The following VCL variants were observed in gnomAD, a reference collection of about 807,000 sequenced individuals.
VCL encodes the protein vinculin, also known as epididymis luminal protein 114.
In VCL, 47 loss-of-function variants were observed where a neutral mutation model predicts 125.7. That is an observed-to-expected ratio of 0.37 (90% CI 0.30 to 0.48). VCL has a LOEUF of 0.48. Among genes scored for constraint, VCL ranks in the 20% least tolerant of loss-of-function variants. The pLI is 0.99. For synonymous variants in VCL, 458 were observed against 514.6 expected, an observed-to-expected ratio of 0.89 and a Z score of 1.49; for missense variants, 1,069 against 1,455.5, an observed-to-expected ratio of 0.73 and a Z score of 4.32.
chr10:74,091,933 G>T (rs762524868), intron 10 of VCL, among the ~76,000 whole-genome samples: 1 of 151,608 alleles, frequency 6.6e-6, no homozygotes, highest in African/African-American at 2.4e-5. Context: ...TTTTTGAGAC[G>T]GAGTCTTGCT....
intron 8 of VCL, among the ~76,000 whole-genome samples, chr10:74,087,703 T>C (rs898638244): frequency 1.3e-5 from 2 of 150,254 alleles, no homozygotes; most frequent in Admixed American, 6.6e-5. Flanking sequence ...AGGCTGGGTG[T>C]GGTGGCTCAC....
chr10:74,092,177 G>C (rs1839900852), intron 10 of VCL, among the ~76,000 whole-genome samples: 1 of 152,124 alleles, frequency 6.6e-6, no homozygotes, highest in Non-Finnish European at 1.5e-5. Context: ...CAAGTCCTGG[G>C]ATTACAGGTG....
intron 1 of VCL, among the ~76,000 whole-genome samples, chr10:74,039,978 A>G (rs1841063064): frequency 6.6e-6 from 1 of 151,942 alleles, no homozygotes; most frequent in African/African-American, 2.4e-5. Context: ...GCCTCTTTCC[A>G]GTTCCTAAAA....
In VCL at chr10:74,009,224, C is replaced by T. The variant is rs377176717; in HGVS notation, c.168+10849C>T. Among the ~76,000 whole-genome samples, 41 of 121,858 alleles carry T rather than the reference C, an allele frequency of 3.4e-4. 5 individuals are homozygous for T. The highest frequency in any genetic ancestry group is 1.0e-3 in the South Asian group (3 of 2,904). 79.9% of individuals were successfully genotyped at this position (121,858 alleles called of 152,430 possible). ...CTAGGTGGCTGCTGCTTTCCCCCCC[C>T]CCCCCCGAGCCATTTTAGTATTTAA... On this transcript the variant is annotated intron_variant, in intron 1 of 21. Transcript: ENST00000211998.
chr10:74,049,450 A>G (rs537793482), intron 2 of VCL, among the ~76,000 whole-genome samples: 45 of 152,340 alleles, frequency 3.0e-4, no homozygotes, highest in South Asian at 1.0e-3. Context: ...AAAGAGCTAT[A>G]ATACAGACTG....
At chr10:74,029,369 T>TCCCAAAGTGCTGGGATTACAGG (rs1840832057) in intron 1 of VCL, among the ~76,000 whole-genome samples, 1 of 152,090 alleles carries the variant, frequency 6.6e-6, no homozygotes, top group Non-Finnish European at 1.5e-5. Context: ...TGCCTCAGCC[T>TCCCAAAGTGCTGGGATTACAGG]CCCAAAGTGC....
intron 2 of VCL, among the ~76,000 whole-genome samples, chr10:74,069,738 T>C (rs1841633229): frequency 6.6e-6 from 1 of 152,160 alleles, no homozygotes; most frequent in Non-Finnish European, 1.5e-5. Context: ...GATGATCTAT[T>C]AGGTTATTTT....
Position 74,082,393 on chromosome 10 carries a change from C to T in VCL, c.784-61C>T, listed in dbSNP as rs975391391. On this transcript the variant is annotated intron_variant, in intron 6 of 21. Transcript: ENST00000211998. ...ATGCTGTAACTTCTTCTCTGTCTTA[C>T]GTTCTATCATGGTATCTCAACTTTT... 11 of 1,576,040 alleles carry T rather than the reference C, an allele frequency of 7.0e-6. No homozygotes were observed. In the African/African-American group the frequency reaches 1.1e-4, roughly 15 times the overall value.
chr10:74,022,596 ATAAATAAATAAATAAG>A (rs201436982), intron 1 of VCL, among the ~76,000 whole-genome samples: 14,184 of 108,922 alleles, frequency 0.13, 1,176 homozygotes, highest in African/African-American at 0.29. Flanking sequence ...AAATAAATAA[ATAAATAAATAAATAAG>A]TAAATAAAAC....
chr10:74,108,469 CT>C (rs796858541), intron 17 of VCL, among the ~76,000 whole-genome samples: 67 of 145,488 alleles, frequency 4.6e-4, no homozygotes, highest in Middle Eastern at 3.6e-3. Flanking sequence ...AGCTGCAAGC[CT>C]TTTTTTTTTT....
At chr10:74,114,972 G>T in intron 21 of VCL, 73 bp downstream of exon 21, 1 of 1,413,478 alleles carries the variant, frequency 7.1e-7, no homozygotes, top group Non-Finnish European at 9.8e-7. Flanking sequence ...CTCTGCTTTG[G>T]GGAAATTTTA....
chr10:74,010,813 A>C (rs1333239508), intron 1 of VCL, among the ~76,000 whole-genome samples: 1 of 152,222 alleles, frequency 6.6e-6, no homozygotes. Context: ...AGAAAATATG[A>C]AATGAAATAA....
chr10:74,075,809 T>C (rs1814145543), intron 6 of VCL: 2 of 152,648 alleles, frequency 1.3e-5, no homozygotes, highest in African/African-American at 4.8e-5. Context: ...TGTAAGGTAA[T>C]GTAAAAGCTG....
intron 1 of VCL, among the ~76,000 whole-genome samples, chr10:74,042,473 A>T (rs994460506): frequency 6.6e-6 from 1 of 152,224 alleles, no homozygotes; most frequent in Non-Finnish European, 1.5e-5. Flanking sequence ...ATGTCAGTTT[A>T]TATCACCACC....
intron 2 of VCL, among the ~76,000 whole-genome samples, chr10:74,059,786 T>C (rs1841449549): frequency 6.6e-6 from 1 of 152,212 alleles, no homozygotes; most frequent in South Asian, 2.1e-4. Context: ...TTAAAAAATA[T>C]TCCCATTTCT....
In VCL at chr10:74,100,968, T is replaced by C; in HGVS notation, c.1893T>C (p.Ala631=). The change falls in exon 14 of 22, where the codon GCT becomes GCC. Residue 631 remains alanine (A), a synonymous_variant. Coordinates refer to ENST00000211998, the MANE Select transcript of VCL (RefSeq NM_014000.3). ...NREEVFDERA[A]NFENHSGKLG... ...TCAAGGTATTTGATGAGAGGGCAGCTAACTTTGAAAACCATTCAGGAAAGC... is the reference window on the plus strand; with the variant it reads ...TCAAGGTATTTGATGAGAGGGCAGCCAACTTTGAAAACCATTCAGGAAAGC... The C allele has an allele frequency of 6.2e-7, 1 of 1,614,102 alleles. No homozygotes were observed. The highest frequency in any genetic ancestry group is 8.5e-7 in the Non-Finnish European group (1 of 1,179,976).
chr10:74,111,478 A>T (rs1840217229), intron 18 of VCL, among the ~76,000 whole-genome samples: 1 of 152,238 alleles, frequency 6.6e-6, no homozygotes, highest in African/African-American at 2.4e-5. Flanking sequence ...GTACAAAGTA[A>T]CTTGTGTGGC....
In VCL at chr10:74,043,134, A is replaced by G. The variant is rs1196607553; in HGVS notation, c.220A>G (p.Met74Val). 3.7e-6 allele frequency: 6 copies of G among 1,613,318 alleles called. No homozygotes were observed. The highest frequency in any genetic ancestry group is 2.2e-5 in the East Asian group (1 of 44,738). The change falls in exon 2 of 22, where the codon ATG (methionine) becomes GTG (valine). Residue 74 changes from methionine (M) to valine (V), a missense_variant. Met to Val is a conservative substitution (Grantham distance 21). Transcript: ENST00000211998. ...TGAGGATCAGATTTTGAAGAGAGAT[A>G]TGCCACCAGCATTTATTAAGTGAGT... ...TTEDQILKRD[M>V]PPAFIKVENA... is the part of the protein sequence containing the mutation.
intron 5 of VCL, among the ~76,000 whole-genome samples, chr10:74,073,622 A>T (rs1839526031): frequency 6.6e-6 from 1 of 152,210 alleles, no homozygotes; most frequent in Non-Finnish European, 1.5e-5. Flanking sequence ...AAAGATATTT[A>T]ACTGTTGTTT....
Sources: gnomAD v4.1 joint callset for allele counts (sites outside exome capture counted in the v4.1 genomes callset) on GRCh38, gnomAD v4.1.1 for gene constraint, MANE v1.5 for transcripts, NCBI Gene and HGNC (gene_info 2026-07-23, HGNC 2026-07-21) for gene names.